Variants in MALRD1 observed in about 807,000 individuals in gnomAD.
The protein encoded by MALRD1 is MAM and LDL receptor class A domain containing 1, also known as MAM and LDL-receptor class A domain-containing protein 1.
In MALRD1, 247 loss-of-function variants were observed where a neutral mutation model predicts 242.1. The ratio of observed to expected loss-of-function variants is 1.02; its 90% CI spans 0.92 to 1.13. The LOEUF (loss-of-function observed/expected upper bound fraction) is 1.13. Among genes scored for constraint, MALRD1 ranks in the 50% most tolerant of loss-of-function variants. The probability of loss-of-function intolerance (pLI) is 0.00; values close to 1 mark genes in which losing one functional copy is unlikely to be tolerated. For missense variants in MALRD1, 2,989 were observed against 2,533.1 expected (o/e 1.18, Z -3.86); for synonymous variants, 995 against 866.6 (o/e 1.15, Z -2.60).
chr10:19,291,351 A>G (rs1016950457), intron 21 of MALRD1: 2 of 152,094 alleles, frequency 1.3e-5, no homozygotes, highest in African/African-American at 4.8e-5. Context: ...TTGCTTATAC[A>G]TTTTTAAATG....
In MALRD1 at chr10:19,073,660, C is replaced by G. The variant is rs145438002; in HGVS notation, c.340+6801C>G. On this transcript the variant is annotated intron_variant, in intron 2 of 39. Transcript: ENST00000454679. Reference sequence around the variant, plus strand: ...TTTTATGTTTAGACTTGTGTCCCATCTCTAATGCATGTGCAAATATTTCAA... The same window carrying G: ...TTTTATGTTTAGACTTGTGTCCCATGTCTAATGCATGTGCAAATATTTCAA... 2.2e-3 allele frequency among the ~76,000 whole-genome samples: 338 copies of G among 152,204 alleles called. 1 individual carries two copies. Among genetic ancestry groups the G allele is most frequent in the African/African-American group, 7.8e-3 (326 of 41,536 alleles).
At chr10:19,087,134 G>C (rs1315815232) in intron 2 of MALRD1, among the ~76,000 whole-genome samples, 1 of 152,030 alleles carries the variant, frequency 6.6e-6, no homozygotes, top group Non-Finnish European at 1.5e-5. Context: ...CATAAGGTTA[G>C]AAAGGGAGCT....
chr10:19,672,172 A>G (rs949896149), intron 36 of MALRD1, among the ~76,000 whole-genome samples: 1 of 152,084 alleles, frequency 6.6e-6, no homozygotes, highest in African/African-American at 2.4e-5. Context: ...ATTAAAGACC[A>G]TCATTTTTCA....
intron 23 of MALRD1, 108 bp from the exon 24 acceptor site, chr10:19,331,261 A>G (rs1843353448): frequency 2.0e-6 from 2 of 988,560 alleles, no homozygotes; most frequent in African/African-American, 3.3e-5. Context: ...AAACAAAAAA[A>G]CAAACAACAA....
intron 21 of MALRD1, among the ~76,000 whole-genome samples, chr10:19,317,267 G>A (rs1842745333): frequency 6.6e-6 from 1 of 151,864 alleles, no homozygotes; most frequent in East Asian, 1.9e-4. Flanking sequence ...GAGACTTCTA[G>A]CTGTGTTTTC....
intron 25 of MALRD1, among the ~76,000 whole-genome samples, chr10:19,351,304 T>C (rs1564585363): frequency 1.3e-5 from 2 of 152,292 alleles, no homozygotes; most frequent in South Asian, 2.1e-4. Context: ...TTTCCAGACT[T>C]TTTTCACTGT....
At chr10:19,623,062 G>C (rs1839475168) in intron 36 of MALRD1, among the ~76,000 whole-genome samples, 1 of 151,862 alleles carries the variant, frequency 6.6e-6, no homozygotes. Flanking sequence ...GAAATAAGCA[G>C]TAAATTTCTC....
Position 19,175,437 on chromosome 10 carries a change from TTA to T in MALRD1, c.1951+113_1951+114del, listed in dbSNP as rs1057408130. 5.1e-5 allele frequency: 32 copies of T among 632,712 alleles called. No homozygotes were observed. In the African/African-American group the frequency reaches 5.3e-4, roughly 10 times the overall value. 39.2% of individuals were successfully genotyped at this position (632,712 alleles called of 1,614,324 possible). ...ACGAATACCTAATACAGGGTGTGGA[TTA>T]TATCACCTGTTCTTGAAACCTAAAA... On this transcript the variant is annotated intron_variant, in intron 14 of 39. Coordinates refer to ENST00000454679, the MANE Select transcript of MALRD1 (RefSeq NM_001142308.3).
In MALRD1 at chr10:19,418,415, T is replaced by C. The variant is rs1833592905; in HGVS notation, c.4845+28806T>C. 2.0e-5 allele frequency among the ~76,000 whole-genome samples: 3 copies of C among 152,300 alleles called. No homozygotes were observed. The South Asian group carries it at 6.2e-4, about 32-fold the overall frequency. ...TTATATTTTTCTTGGGATTTCAGCA[T>C]ACGTTTTTTGGAGATTGAGATTAAG... is the stretch of plus-strand genomic sequence containing the variant. On this transcript the variant is annotated intron_variant, in intron 28 of 39. Coordinates refer to ENST00000454679, the MANE Select transcript of MALRD1 (RefSeq NM_001142308.3).
At chr10:19,477,797 A>G (rs927229505) in intron 29 of MALRD1, among the ~76,000 whole-genome samples, 1 of 152,180 alleles carries the variant, frequency 6.6e-6, no homozygotes, top group African/African-American at 2.4e-5. Context: ...TGACATTTGC[A>G]TAGCACATGA....
intron 18 of MALRD1, among the ~76,000 whole-genome samples, chr10:19,248,959 T>G (rs1233083923): frequency 2.0e-5 from 3 of 147,064 alleles, no homozygotes; most frequent in Non-Finnish European, 4.5e-5. Flanking sequence ...AAATTATATA[T>G]TATATATTTT....
chr10:19,167,042 G>A (rs553842280), intron 13 of MALRD1, among the ~76,000 whole-genome samples: 28 of 152,292 alleles, frequency 1.8e-4, no homozygotes, highest in African/African-American at 6.3e-4. Context: ...TGGCAGCCAT[G>A]AACATGGGCT....
chr10:19,650,144 A>G (rs1253767342), intron 36 of MALRD1, among the ~76,000 whole-genome samples: 1 of 152,176 alleles, frequency 6.6e-6, no homozygotes, highest in Non-Finnish European at 1.5e-5. Flanking sequence ...TGGACTGAAA[A>G]TTTTCCTGAG....
At chr10:19,654,718 A>G (rs1446275003) in intron 36 of MALRD1, among the ~76,000 whole-genome samples, 1 of 152,230 alleles carries the variant, frequency 6.6e-6, no homozygotes, top group East Asian at 1.9e-4. Context: ...TGAGTACAGT[A>G]AAATACAAAT....
At chr10:19,305,732 C>A (rs1842134051) in intron 21 of MALRD1, among the ~76,000 whole-genome samples, 1 of 146,840 alleles carries the variant, frequency 6.8e-6, no homozygotes, top group African/African-American at 2.5e-5. Flanking sequence ...AATTAGCATT[C>A]AACCAATTCT....
At chr10:19,504,933 C>T (rs189595956) in intron 31 of MALRD1, among the ~76,000 whole-genome samples, 4,987 of 151,912 alleles carry the variant, frequency 0.033, 122 homozygotes, top group Middle Eastern at 0.071. Context: ...CCACCCGCCT[C>T]GGCCTCCCAA....
chr10:19,620,905 A>G (rs74119703), intron 36 of MALRD1, among the ~76,000 whole-genome samples: 17 of 151,952 alleles, frequency 1.1e-4, no homozygotes, highest in South Asian at 6.2e-4. Flanking sequence ...GGGATTTTCT[A>G]TGTGTGCAAC....
rs12242614 is a variant in MALRD1 at position 19,154,545 on chromosome 10, C to T, written c.1559-530C>T. Among the ~76,000 whole-genome samples the T allele has an allele frequency of 2.8e-3, 433 of 152,280 alleles. 1 individual carries two copies. Among genetic ancestry groups the T allele is most frequent in the African/African-American group, 0.01 (419 of 41,556 alleles). ...TTATCCCCTGCACATTTGCCATGAGCACATCCGTCGTAGTTAAAATCTAAA... is the reference window on the plus strand; with the variant it reads ...TTATCCCCTGCACATTTGCCATGAGTACATCCGTCGTAGTTAAAATCTAAA... On this transcript the variant is annotated intron_variant, in intron 11 of 39. Coordinates refer to ENST00000454679, the MANE Select transcript of MALRD1 (RefSeq NM_001142308.3).
chr10:19,350,701 C>A (rs1026235287), intron 25 of MALRD1, among the ~76,000 whole-genome samples: 22 of 152,192 alleles, frequency 1.4e-4, no homozygotes, highest in African/African-American at 5.3e-4. Flanking sequence ...CATCATTCAG[C>A]AAATGACCTG....
Sources: gnomAD v4.1 joint callset for allele counts (sites outside exome capture counted in the v4.1 genomes callset) on GRCh38, gnomAD v4.1.1 for gene constraint, MANE v1.5 for transcripts, NCBI Gene and HGNC (gene_info 2026-07-23, HGNC 2026-07-21) for gene names.